The following PCGF5 variants were observed in gnomAD, a reference collection of about 807,000 sequenced individuals.
PCGF5 encodes polycomb group RING finger protein 5.
Under a neutral mutation model 44.3 loss-of-function variants are expected in PCGF5, and 9 were observed. The ratio of observed to expected loss-of-function variants is 0.20; its 90% CI spans 0.12 to 0.35. The LOEUF (loss-of-function observed/expected upper bound fraction) is 0.35, where lower values mean the gene tolerates loss of function less well. Ranked by LOEUF, PCGF5 falls within the 10% of genes least tolerant of loss-of-function variation. The pLI is 1.00. For synonymous variants in PCGF5, 95 were observed against 102.5 expected, an observed-to-expected ratio of 0.93 and a Z score of 0.44; for missense variants, 146 against 305.3, an observed-to-expected ratio of 0.48 and a Z score of 3.89.
intron 1 of PCGF5, among the ~76,000 whole-genome samples, chr10:91,195,609 A>AT (rs1244536561): frequency 6.7e-6 from 1 of 149,026 alleles, no homozygotes; most frequent in Non-Finnish European, 1.5e-5. Flanking sequence ...TCATTTTTTA[A>AT]TTTTTTTGTA....
chr10:91,174,655 A>AT, intron 1 of PCGF5, among the ~76,000 whole-genome samples: 1 of 152,352 alleles, frequency 6.6e-6, no homozygotes, highest in South Asian at 2.1e-4. Flanking sequence ...TTTTTTTATG[A>AT]TCAAAAAATA....
intron 3 of PCGF5, among the ~76,000 whole-genome samples, chr10:91,247,715 G>A (rs1845503497): frequency 6.6e-6 from 1 of 152,108 alleles, no homozygotes; most frequent in Admixed American, 6.6e-5. Context: ...CATTTCAGAA[G>A]GTAGAACAAT....
chr10:91,220,353 T>G (rs2133270362), upstream of PCGF5: 1 of 152,340 alleles, frequency 6.6e-6, no homozygotes, highest in South Asian at 2.1e-4. Flanking sequence ...CACTGACCGT[T>G]GCTTTTAAAC....
chr10:91,273,131 A>G lies in PCGF5; in HGVS notation c.723+1434A>G, dbSNP rs1846221517. On this transcript the variant is annotated intron_variant, in intron 9 of 9. Coordinates refer to ENST00000336126, the MANE Select transcript of PCGF5 (RefSeq NM_032373.5). ...GTCCTAGCTTTTCAGCAATCTAGTAAGTAAATTTAACATCTCTGAAGGCCA... is the reference window on the plus strand; with the variant it reads ...GTCCTAGCTTTTCAGCAATCTAGTAGGTAAATTTAACATCTCTGAAGGCCA... Among the ~76,000 whole-genome samples, 3 of 152,214 alleles carry G rather than the reference A, an allele frequency of 2.0e-5. No homozygotes were observed. In the South Asian group the frequency reaches 6.2e-4, roughly 31 times the overall value.
rs1845980586 is a variant in PCGF5 at position 91,263,735 on chromosome 10, A to AT, written c.574-695dup. ...CAACTTCGAGCAAAACTTAACGCTG[A>AT]TAAGTATGCTTTTTTGAAGCTTTGT... is the stretch of plus-strand genomic sequence containing the variant. On this transcript the variant is annotated intron_variant, in intron 7 of 9. Coordinates refer to ENST00000336126, the MANE Select transcript of PCGF5 (RefSeq NM_032373.5). Among the ~76,000 whole-genome samples, 3 of 152,328 alleles carry AT rather than the reference A, an allele frequency of 2.0e-5. No individual in the cohort carries two copies. In the South Asian group the frequency reaches 6.2e-4, roughly 32 times the overall value.
chr10:91,189,544 T>C (rs1484636315), intron 1 of PCGF5, among the ~76,000 whole-genome samples: 1 of 152,244 alleles, frequency 6.6e-6, no homozygotes, highest in Non-Finnish European at 1.5e-5. Context: ...TTGTATTGCT[T>C]TAATTTCTAT....
At chr10:91,180,524 A>G (rs1379310927) in intron 1 of PCGF5, among the ~76,000 whole-genome samples, 1 of 152,182 alleles carries the variant, frequency 6.6e-6, no homozygotes, top group Non-Finnish European at 1.5e-5. Context: ...ATATTGTGTA[A>G]GGAAGGGGTC....
rs1176184299 is a variant in PCGF5, at chr10:91,280,881, T to C, written c.*2565T>C. On this transcript the variant is annotated 3_prime_UTR_variant, in exon 10 of 10. Transcript: ENST00000336126. ...GATAAAATGAATTCTTTAAATAACC[T>C]ATAGGAATCATCTGAATCTGTAACA... is the stretch of plus-strand genomic sequence containing the variant. 1 of 152,498 alleles carries C rather than the reference T, an allele frequency of 6.6e-6. No individual in the cohort carries two copies. The highest frequency in any genetic ancestry group is 2.4e-5 in the African/African-American group (1 of 41,464). The allele number at this position is 152,498 out of a possible 1,614,324, so 9.4% of individuals were successfully genotyped here.
At chr10:91,244,598 C>A (rs558475885) in intron 3 of PCGF5, among the ~76,000 whole-genome samples, 1 of 152,010 alleles carries the variant, frequency 6.6e-6, no homozygotes, top group Non-Finnish European at 1.5e-5. Flanking sequence ...GAACACCGCG[C>A]GTATAACAAG....
intron 9 of PCGF5, among the ~76,000 whole-genome samples, chr10:91,276,870 A>G (rs1846328997): frequency 6.6e-6 from 1 of 152,214 alleles, no homozygotes; most frequent in African/African-American, 2.4e-5. Context: ...TGGAAAGGAT[A>G]TTGGTCGTCT....
intron 3 of PCGF5, among the ~76,000 whole-genome samples, chr10:91,243,022 G>A (rs552833728): frequency 5.4e-4 from 82 of 152,258 alleles, no homozygotes; most frequent in African/African-American, 1.4e-3. Flanking sequence ...AAGATATCCT[G>A]TATCTTTGAC....
At chr10:91,272,439 G>C (rs1846201007) in intron 9 of PCGF5, among the ~76,000 whole-genome samples, 1 of 151,946 alleles carries the variant, frequency 6.6e-6, no homozygotes, top group African/African-American at 2.4e-5. Flanking sequence ...GAGGCCAGGA[G>C]TTTGAGACCA....
intron 2 of PCGF5, among the ~76,000 whole-genome samples, chr10:91,234,744 C>G (rs1231927379): frequency 6.6e-5 from 10 of 152,158 alleles, no homozygotes; most frequent in Non-Finnish European, 8.8e-5. Context: ...GTAAACTTTA[C>G]ATATATTATC....
chr10:91,159,299 A>G (rs1482365169), upstream of PCGF5, among the ~76,000 whole-genome samples: 1 of 152,158 alleles, frequency 6.6e-6, no homozygotes, highest in Non-Finnish European at 1.5e-5. Flanking sequence ...CCAGGCACCT[A>G]TAACATGTCT....
exon 1 of PCGF5, chr10:91,163,075 G>C (rs12784538): frequency 1.3e-5 from 2 of 149,200 alleles, no homozygotes; most frequent in African/African-American, 2.4e-5. Context: ...GGCCTCTCGA[G>C]AGCAAGGTAA....
At chr10:91,210,195 T>C (rs1243522488) in intron 1 of PCGF5, among the ~76,000 whole-genome samples, 1 of 152,180 alleles carries the variant, frequency 6.6e-6, no homozygotes, top group Non-Finnish European at 1.5e-5. Flanking sequence ...GCCCTTCCCC[T>C]TATAGCAAAC....
chr10:91,255,768 A>G (rs757088154), intron 6 of PCGF5, among the ~76,000 whole-genome samples: 14 of 152,232 alleles, frequency 9.2e-5, no homozygotes, highest in South Asian at 4.1e-4. Context: ...GGAGATACTA[A>G]CAAATACAGT....
At chr10:91,245,452 A>G (rs1471110914) in intron 3 of PCGF5, among the ~76,000 whole-genome samples, 1 of 152,152 alleles carries the variant, frequency 6.6e-6, no homozygotes, top group Non-Finnish European at 1.5e-5. Flanking sequence ...CAACTCTTTC[A>G]AGGAGTTTTG....
At chr10:91,237,648 G>A (rs980691427) in intron 2 of PCGF5, among the ~76,000 whole-genome samples, 7 of 152,052 alleles carry the variant, frequency 4.6e-5, no homozygotes, top group African/African-American at 1.7e-4. Flanking sequence ...GGAGGCTGAG[G>A]CAGGAGAATC....
Sources: gnomAD v4.1 joint callset for allele counts (sites outside exome capture counted in the v4.1 genomes callset) on GRCh38, gnomAD v4.1.1 for gene constraint, MANE v1.5 for transcripts, NCBI Gene and HGNC (gene_info 2026-07-23, HGNC 2026-07-21) for gene names.